The following RNF152 variants were observed in gnomAD, a reference collection of about 807,000 sequenced individuals.
RNF152 encodes the protein ring finger protein 152, also known as E3 ubiquitin-protein ligase RNF152.
RNF152 carries 11 observed loss-of-function variants against 12.7 expected under a neutral mutation model. That is an observed-to-expected ratio of 0.86 (90% CI 0.54 to 1.43). The LOEUF (loss-of-function observed/expected upper bound fraction) is 1.43, where lower values mean the gene tolerates loss of function less well. RNF152 is among the 40% of genes most tolerant of loss of function. The pLI is 0.00. For missense variants in RNF152, 255 were observed against 274.8 expected (o/e 0.93, Z 0.51); for synonymous variants, 113 against 120.3 (o/e 0.94, Z 0.40).
At position 61,858,639 on chromosome 18, in the gene RNF152, T is replaced by C. The variant is rs376806085; in HGVS notation, c.-136+34156A>G. On this transcript the variant is annotated intron_variant, in intron 1 of 1. Coordinates refer to ENST00000312828, the MANE Select transcript of RNF152 (RefSeq NM_173557.3). Reference sequence around the variant, plus strand: ...TTCCCACCAAGCCAGTCCGCAGTACTCATTCCTAGGTCTGGCCTTGTTCTT... The same window carrying C: ...TTCCCACCAAGCCAGTCCGCAGTACCCATTCCTAGGTCTGGCCTTGTTCTT... 7.9e-5 allele frequency among the ~76,000 whole-genome samples: 12 copies of C among 152,304 alleles called. No homozygotes were observed. The East Asian group carries it at 2.3e-3, about 29-fold the overall frequency.
upstream of RNF152, chr18:61,893,818 G>A (rs1239088215): frequency 6.6e-6 from 1 of 152,064 alleles, no homozygotes; most frequent in African/African-American, 2.4e-5. Flanking sequence ...GAGCTCCAGG[G>A]GGCATCCGAG....
At chr18:61,874,069 T>C (rs896646253) in intron 1 of RNF152, among the ~76,000 whole-genome samples, 2 of 152,244 alleles carry the variant, frequency 1.3e-5, no homozygotes, top group Admixed American at 1.3e-4. Flanking sequence ...GTCTAATTAA[T>C]TTAATTTTAG....
intron 1 of RNF152, among the ~76,000 whole-genome samples, chr18:61,878,818 C>G (rs74550037): frequency 0.029 from 4,372 of 152,282 alleles, 88 homozygotes; most frequent in Non-Finnish European, 0.044. Context: ...ATGGCCTAAT[C>G]AACTCCTAAA....
chr18:61,836,649 C>T (rs1910200387), intron 1 of RNF152, among the ~76,000 whole-genome samples: 1 of 152,172 alleles, frequency 6.6e-6, no homozygotes, highest in South Asian at 2.1e-4. Flanking sequence ...CTTGTTCAAC[C>T]CACCCAGTCA....
At chr18:61,859,330 C>T (rs1316717822) in intron 1 of RNF152, among the ~76,000 whole-genome samples, 4 of 152,152 alleles carry the variant, frequency 2.6e-5, no homozygotes, top group Admixed American at 1.3e-4. Context: ...GCTGTTGTGG[C>T]GCAAATTCAA....
At chr18:61,817,840 C>T (rs967589978) in intron 1 of RNF152, among the ~76,000 whole-genome samples, 2 of 152,088 alleles carry the variant, frequency 1.3e-5, no homozygotes, top group African/African-American at 4.8e-5. Flanking sequence ...TAACGCTCCA[C>T]TGGCATTTCA....
rs1243377557 is a variant in RNF152, at chr18:61,809,117, T to C, written c.*6735A>G. On this transcript the variant is annotated 3_prime_UTR_variant, in exon 2 of 2. Coordinates refer to ENST00000312828, the MANE Select transcript of RNF152 (RefSeq NM_173557.3). ...GCTCCTATATGTCTTGTTTTGCAGC[T>C]ATACTCTTCCTTTATTAAGTATTTT... 2.0e-5 allele frequency: 3 copies of C among 152,368 alleles called. No homozygotes were observed. Among genetic ancestry groups the C allele is most frequent in the East Asian group, 3.8e-4 (2 of 5,196 alleles). The allele number at this position is 152,368 out of a possible 1,614,324, so 9.4% of individuals were successfully genotyped here. A position where few individuals can be genotyped will look rare whatever the true frequency, so the allele number is the denominator to read the frequency against.
intron 1 of RNF152, among the ~76,000 whole-genome samples, chr18:61,868,040 C>A (rs1045103608): frequency 6.6e-6 from 1 of 152,148 alleles, no homozygotes; most frequent in Non-Finnish European, 1.5e-5. Flanking sequence ...TTCAGATACC[C>A]CAGCTCCTCA....
intron 1 of RNF152, among the ~76,000 whole-genome samples, chr18:61,882,512 G>C (rs1201952460): frequency 6.6e-6 from 1 of 152,240 alleles, no homozygotes; most frequent in Non-Finnish European, 1.5e-5. Flanking sequence ...TGAGGTTACA[G>C]AACTGGCAAC....
intron 1 of RNF152, among the ~76,000 whole-genome samples, chr18:61,871,211 A>T (rs909468555): frequency 1.0e-4 from 6 of 57,696 alleles, no homozygotes; most frequent in Non-Finnish European, 1.4e-4. Flanking sequence ...ACCTCCCCCC[A>T]CCCCAAAAAA....
chr18:61,890,489 G>A (rs1052422129), intron 1 of RNF152: 1 of 152,220 alleles, frequency 6.6e-6, no homozygotes, highest in Non-Finnish European at 1.5e-5. Flanking sequence ...GAGTGACTAC[G>A]ATGAGCAGGG....
intron 1 of RNF152, among the ~76,000 whole-genome samples, chr18:61,861,835 G>A (rs1404793869): frequency 6.6e-6 from 1 of 152,128 alleles, no homozygotes; most frequent in Admixed American, 6.5e-5. Context: ...CTAATAGAGT[G>A]AGAACTCACT....
intron 1 of RNF152, among the ~76,000 whole-genome samples, chr18:61,862,546 T>TA (rs57295716): frequency 3.9e-5 from 6 of 152,024 alleles, no homozygotes; most frequent in Non-Finnish European, 7.4e-5. Context: ...GAAGCTTCGG[T>TA]AAAAAAACCC....
In RNF152 at chr18:61,812,451, A is replaced by C. The variant is rs923188560; in HGVS notation, c.*3401T>G. 6.6e-6 allele frequency: 1 copy of C among 152,210 alleles called. No homozygotes were observed. The highest frequency in any genetic ancestry group is 1.5e-5 in the Non-Finnish European group (1 of 68,034). 9.4% of individuals were successfully genotyped at this position (152,210 alleles called of 1,614,324 possible). ...TTAAACTTAATTCTATTTTTAAAGA[A>C]AACATCTTAGAGCTTTCTGATCATT... On this transcript the variant is annotated 3_prime_UTR_variant, in exon 2 of 2. Coordinates refer to ENST00000312828, the MANE Select transcript of RNF152 (RefSeq NM_173557.3).
intron 1 of RNF152, among the ~76,000 whole-genome samples, chr18:61,826,136 G>A (rs1017196539): frequency 6.6e-6 from 1 of 152,194 alleles, no homozygotes; most frequent in African/African-American, 2.4e-5. Context: ...AAACCCCAGA[G>A]TTGGTATAAA....
At chr18:61,825,484 A>C (rs2144635268) in intron 1 of RNF152, among the ~76,000 whole-genome samples, 1 of 152,350 alleles carries the variant, frequency 6.6e-6, no homozygotes, top group East Asian at 1.9e-4. Flanking sequence ...CAGGGGAAGG[A>C]CAGTGGCATT....
At chr18:61,879,879 C>T (rs551007334) in intron 1 of RNF152, among the ~76,000 whole-genome samples, 17 of 151,650 alleles carry the variant, frequency 1.1e-4, no homozygotes, top group East Asian at 1.9e-4. Context: ...GCAGGAGAAT[C>T]GCTTGAACCC....
chr18:61,880,573 T>C (rs1912417994), intron 1 of RNF152, among the ~76,000 whole-genome samples: 1 of 152,204 alleles, frequency 6.6e-6, no homozygotes, highest in African/African-American at 2.4e-5. Flanking sequence ...TAATAAACAC[T>C]ATCTACTACT....
Position 61,811,581 on chromosome 18 carries a change from T to TATGCCCACAC in RNF152, c.*4261_*4270dup, listed in dbSNP as rs1204775156. 1.3e-5 allele frequency: 2 copies of TATGCCCACAC among 152,240 alleles called. No individual in the cohort carries two copies. The highest frequency in any genetic ancestry group is 4.8e-5 in the African/African-American group (2 of 41,468). 9.4% of individuals were successfully genotyped at this position (152,240 alleles called of 1,614,324 possible). On this transcript the variant is annotated 3_prime_UTR_variant, in exon 2 of 2. Transcript: ENST00000312828. ...TGGCATCTGAAAAATGATGCCCACATATGCCCACACCAAATACAACGACAA... is the reference window on the plus strand; with the variant it reads ...TGGCATCTGAAAAATGATGCCCACATATGCCCACACATGCCCACACCAAATACAACGACAA...
Sources: allele counts gnomAD v4.1 joint callset (sites outside exome capture counted in the v4.1 genomes callset), GRCh38; gene constraint gnomAD v4.1.1; transcripts MANE v1.5; gene names NCBI Gene and HGNC (gene_info 2026-07-23, HGNC 2026-07-21).